The following NR6A1 variants were observed in gnomAD, a reference collection of about 807,000 sequenced individuals.
NR6A1 encodes nuclear receptor subfamily 6 group A member 1, also known as retinoic acid receptor-related testis-associated receptor.
NR6A1 carries 7 observed loss-of-function variants against 59.1 expected under a neutral mutation model. That is an observed-to-expected ratio of 0.12 (90% CI 0.07 to 0.22). The LOEUF (loss-of-function observed/expected upper bound fraction) is 0.22. NR6A1 is among the 10% of genes least tolerant of loss of function. NR6A1 has a pLI of 1.00. For missense variants in NR6A1, 468 were observed against 611.6 expected (o/e 0.77, Z 2.48); for synonymous variants, 243 against 236.1 (o/e 1.03, Z -0.27).
chr9:124,767,794 T>C (rs532931777), intron 1 of NR6A1, among the ~76,000 whole-genome samples: 1 of 152,352 alleles, frequency 6.6e-6, no homozygotes, highest in African/African-American at 2.4e-5. Flanking sequence ...CTCTAAAGTG[T>C]AATTACATAA....
At chr9:124,749,088 C>T (rs1337006714) in intron 1 of NR6A1, among the ~76,000 whole-genome samples, 6 of 151,998 alleles carry the variant, frequency 3.9e-5, no homozygotes, top group Non-Finnish European at 7.4e-5. Flanking sequence ...CATGGAGAAA[C>T]TCCATCTCTA....
At chr9:124,654,621 T>C (rs7025067) in intron 2 of NR6A1, among the ~76,000 whole-genome samples, 17,533 of 152,038 alleles carry the variant, frequency 0.12, 2,694 homozygotes, top group African/African-American at 0.34. Context: ...TTGCATACTT[T>C]GGTTCCTCAG....
chr9:124,637,757 T>C (rs142837160), intron 2 of NR6A1, among the ~76,000 whole-genome samples: 1,539 of 152,038 alleles, frequency 0.01, 24 homozygotes, highest in African/African-American at 0.035. Flanking sequence ...CCGGGTGTGT[T>C]GGCACACGCC....
At chr9:124,611,774 A>AGAGAGAGAGAGAGAGAGAGAGACT in intron 2 of NR6A1, among the ~76,000 whole-genome samples, 1 of 105,724 alleles carries the variant, frequency 9.5e-6, no homozygotes. Context: ...AGAGAGAGAG[A>AGAGAGAGAGAGAGAGAGAGAGACT]GAGAGAGAAT....
intron 2 of NR6A1, among the ~76,000 whole-genome samples, chr9:124,577,850 G>A (rs1357818283): frequency 1.3e-5 from 2 of 152,168 alleles, no homozygotes; most frequent in Non-Finnish European, 2.9e-5. Context: ...AGATAGATGG[G>A]CTCTCAGAAT....
At chr9:124,615,697 G>C (rs998735786) in intron 2 of NR6A1, among the ~76,000 whole-genome samples, 4 of 151,682 alleles carry the variant, frequency 2.6e-5, no homozygotes. Flanking sequence ...TCAAAGAGCT[G>C]AACAAGAGAA....
At position 124,595,888 on chromosome 9, in the gene NR6A1, C is replaced by A. The variant is rs962637636; in HGVS notation, c.143-41318G>T. ...GGTCAATTCCTCTAAGCCGGGACTA[C>A]GACAGTCATCCTCACAGGTCAGTTT... On this transcript the variant is annotated intron_variant, in intron 2 of 9. Transcript: ENST00000487099. 5.4e-6 allele frequency: 6 copies of A among 1,106,986 alleles called. No homozygotes were observed. In the Admixed American group the frequency reaches 1.4e-4, roughly 26 times the overall value. 68.6% of individuals were successfully genotyped at this position (1,106,986 alleles called of 1,614,324 possible). A position where few individuals can be genotyped will look rare whatever the true frequency, so the allele number is the denominator to read the frequency against.
At chr9:124,594,743 A>T (rs1835224321) in intron 2 of NR6A1, among the ~76,000 whole-genome samples, 1 of 152,214 alleles carries the variant, frequency 6.6e-6, no homozygotes, top group African/African-American at 2.4e-5. Flanking sequence ...AATGAAGCCA[A>T]GGTTACTAAA....
rs548128254 is a variant in NR6A1, at chr9:124,555,769, C to G, written c.143-1199G>C. ...TCTTTACTTTTCTAATTTCTCTCATCTGTTAAATGGTGATTATAATAATAC... is the reference window on the plus strand; with the variant it reads ...TCTTTACTTTTCTAATTTCTCTCATGTGTTAAATGGTGATTATAATAATAC... On this transcript the variant is annotated intron_variant, in intron 2 of 9. Transcript: ENST00000487099. Among the ~76,000 whole-genome samples, 206 of 152,314 alleles carry G rather than the reference C, an allele frequency of 1.4e-3. 1 individual carries two copies. Among genetic ancestry groups the G allele is most frequent in the African/African-American group, 4.3e-3 (179 of 41,568 alleles).
rs1302839565 is a variant in NR6A1 at position 124,733,309 on chromosome 9, A to G, written c.141T>C (p.Thr47=). The G allele has an allele frequency of 6.2e-7, 1 of 1,610,800 alleles. No homozygotes were observed. Among genetic ancestry groups the G allele is most frequent in the African/African-American group, 1.3e-5 (1 of 74,890 alleles). ...TATTGGGTAACATTGAGAACTTACT[A>G]GTGCCTGGGTCAAGCTCTGCCAATT... ...QDELAELDPG[T]ISVSDDRAEQ... is the part of the protein sequence containing the mutation. The change falls in exon 2 of 10, where the codon ACT becomes ACC. Residue 47 remains threonine, a splice_region_variant and synonymous_variant. Transcript: ENST00000487099.
At chr9:124,584,096 CTT>C (rs557906470) in intron 2 of NR6A1, among the ~76,000 whole-genome samples, 12 of 133,052 alleles carry the variant, frequency 9.0e-5, no homozygotes, top group East Asian at 2.1e-4. Flanking sequence ...TTGCACTTGG[CTT>C]TTTTTTTTTT....
At chr9:124,636,451 T>C (rs1226711794) in intron 2 of NR6A1, among the ~76,000 whole-genome samples, 1 of 152,214 alleles carries the variant, frequency 6.6e-6, no homozygotes, top group Non-Finnish European at 1.5e-5. Flanking sequence ...GTTTCACAGA[T>C]TGTGCCTTTG....
rs1347780140 is a variant in NR6A1 at position 124,519,734 on chromosome 9, A to G, written c.*2971T>C. On this transcript the variant is annotated 3_prime_UTR_variant, in exon 10 of 10. Transcript: ENST00000487099. ...GCTAACGTGGTGAAACAATGTTTCT[A>G]CTAAAAATACAAAAAAAGTTAGCCG... is the stretch of plus-strand genomic sequence containing the variant. 6.6e-6 allele frequency: 1 copy of G among 152,030 alleles called. No homozygotes were observed. The highest frequency in any genetic ancestry group is 1.5e-5 in the Non-Finnish European group (1 of 68,036). The allele number at this position is 152,030 out of a possible 1,614,324, so 9.4% of individuals were successfully genotyped here.
rs1366421282 is a variant in NR6A1, at chr9:124,528,692, C to G, written c.1080-1792G>C. Among the ~76,000 whole-genome samples the G allele has an allele frequency of 2.0e-5, 3 of 151,256 alleles. No individual in the cohort carries two copies. The East Asian group carries it at 5.8e-4, about 29-fold the overall frequency. On this transcript the variant is annotated intron_variant, in intron 7 of 9. Coordinates refer to ENST00000487099, the MANE Select transcript of NR6A1 (RefSeq NM_033334.4). Reference sequence around the variant, plus strand: ...ACTGGCCTGGGCAATAGAGTGAGACCCTGTCTCAGAAAAAAAAAATAAAAC... The same window carrying G: ...ACTGGCCTGGGCAATAGAGTGAGACGCTGTCTCAGAAAAAAAAAATAAAAC...
At chr9:124,568,314 C>G (rs1265330411) in intron 2 of NR6A1, among the ~76,000 whole-genome samples, 2 of 151,532 alleles carry the variant, frequency 1.3e-5, no homozygotes, top group Admixed American at 1.3e-4. Context: ...GGTGAAACCC[C>G]GTCTCTACTA....
chr9:124,696,492 A>G (rs1168178063), intron 2 of NR6A1, among the ~76,000 whole-genome samples: 1 of 149,998 alleles, frequency 6.7e-6, no homozygotes, highest in African/African-American at 2.5e-5. Context: ...AGAAAATAAC[A>G]TCACAAATTA....
At chr9:124,705,583 G>T (rs893044201) in intron 2 of NR6A1, among the ~76,000 whole-genome samples, 1 of 152,134 alleles carries the variant, frequency 6.6e-6, no homozygotes, top group Non-Finnish European at 1.5e-5. Flanking sequence ...TGAACTGACA[G>T]CATAGAGCTG....
At chr9:124,743,203 C>T (rs1298804688) in intron 1 of NR6A1, among the ~76,000 whole-genome samples, 1 of 152,366 alleles carries the variant, frequency 6.6e-6, no homozygotes, top group South Asian at 2.1e-4. Context: ...TAAATTCACA[C>T]CTGCCTCTTG....
chr9:124,700,629 T>C (rs1838913690), intron 2 of NR6A1, among the ~76,000 whole-genome samples: 1 of 152,140 alleles, frequency 6.6e-6, no homozygotes, highest in African/African-American at 2.4e-5. Context: ...GTTGATAGTA[T>C]TGCATTATAT....
Sources: gnomAD v4.1 joint callset for allele counts (sites outside exome capture counted in the v4.1 genomes callset) on GRCh38, gnomAD v4.1.1 for gene constraint, MANE v1.5 for transcripts, NCBI Gene and HGNC (gene_info 2026-07-23, HGNC 2026-07-21) for gene names.